Variants in PTCD3 observed in about 807,000 individuals in gnomAD.
PTCD3 encodes the protein pentatricopeptide repeat domain 3, also known as small ribosomal subunit protein mS39.
In PTCD3, 89 loss-of-function variants were observed where a neutral mutation model predicts 101.9. That is an observed-to-expected ratio of 0.87 (90% confidence interval 0.74 to 1.04). PTCD3 has a LOEUF of 1.04. Ranked by LOEUF, PTCD3 falls within the 50% of genes least tolerant of loss-of-function variation. PTCD3 has a pLI of 0.00. For synonymous variants in PTCD3, 296 were observed against 278.5 expected (o/e 1.06, Z -0.63); for missense variants, 870 against 828.2 (o/e 1.05, Z -0.62).
intron 4 of PTCD3, among the ~76,000 whole-genome samples, chr2:86,113,091 G>A (rs191356808): frequency 6.6e-6 from 1 of 152,110 alleles, no homozygotes; most frequent in Non-Finnish European, 1.5e-5. Flanking sequence ...TAAATTGGGG[G>A]TTAATTATAG....
chr2:86,117,094 G>A lies in PTCD3; in HGVS notation c.349G>A (p.Ala117Thr). The A allele has an allele frequency of 2.0e-6, 3 of 1,491,682 alleles. No individual in the cohort carries two copies. In the South Asian group the frequency reaches 3.4e-5, roughly 17 times the overall value. The allele number at this position is 1,491,682 out of a possible 1,614,324, so 92.4% of individuals were successfully genotyped here. ...LLAKKSGENV[A>T]KFIINSYPKY... ...GGCAAAGAAATCCGGGGAGAATGTG[G>A]CCAAGTTTATTATTAATTCATACCC... is the stretch of plus-strand genomic sequence containing the variant. Residue 117 changes from alanine (A) to threonine (T), a missense_variant, in exon 6 of 24, where the codon GCC becomes ACC. Physicochemically the swap from Ala to Thr is moderately conservative, Grantham distance 58. Coordinates refer to ENST00000254630, the MANE Select transcript of PTCD3 (RefSeq NM_017952.6).
intron 8 of PTCD3, among the ~76,000 whole-genome samples, chr2:86,122,218 T>G (rs939305530): frequency 4.6e-5 from 7 of 152,050 alleles, no homozygotes; most frequent in African/African-American, 1.7e-4. Context: ...CACATTAGAG[T>G]AGATGTGTTT....
rs1393001641 is a variant in PTCD3, at chr2:86,125,468, A to G, written c.818A>G (p.Glu273Gly). ...IRGMVKHRAY[E>G]QALNLYTELL... ...TTCCTTTTCCAGCACCGAGCTTATG[A>G]GCAGGCATTAAACTTGTACACTGAG... is the stretch of plus-strand genomic sequence containing the variant. The change falls in exon 11 of 24, where the codon GAG (glutamate) becomes GGG (glycine). Residue 273 changes from glutamate (E) to glycine (G), a missense_variant. By Grantham distance (98) the Glu-to-Gly change is moderately conservative. Coordinates refer to ENST00000254630, the MANE Select transcript of PTCD3 (RefSeq NM_017952.6). 6.2e-7 allele frequency: 1 copy of G among 1,613,262 alleles called. No homozygotes were observed.
intron 6 of PTCD3, 44 bp from the exon 7 acceptor site, chr2:86,118,877 A>T (rs1674227798): frequency 6.3e-7 from 1 of 1,585,214 alleles, no homozygotes; most frequent in African/African-American, 1.4e-5. Context: ...TCCTTCCCTC[A>T]CCTTTACCTG....
At chr2:86,126,626 G>A (rs1674395192) in intron 12 of PTCD3, among the ~76,000 whole-genome samples, 1 of 151,972 alleles carries the variant, frequency 6.6e-6, no homozygotes, top group Non-Finnish European at 1.5e-5. Flanking sequence ...CCTTAGGTCA[G>A]GAGTTTGTGA....
At position 86,131,068 on chromosome 2, in the gene PTCD3, T is replaced by C; in HGVS notation, c.1238-10T>C. 6.2e-7 allele frequency: 1 copy of C among 1,603,482 alleles called. No homozygotes were observed. Among genetic ancestry groups the C allele is most frequent in the Non-Finnish European group, 8.5e-7 (1 of 1,175,546 alleles). ...TTGTAACCAAAGCTCTTGTGAACTT[T>C]GATTTTCAGATAAGTTTTTTCAGTC... On this transcript the variant is annotated splice_polypyrimidine_tract_variant and intron_variant, in intron 15 of 23. Transcript: ENST00000254630.
rs1050052609 is a variant in PTCD3 at position 86,140,082 on chromosome 2, A to G, written c.*2523A>G. On this transcript the variant is annotated 3_prime_UTR_variant, in exon 24 of 24. Coordinates refer to ENST00000254630, the MANE Select transcript of PTCD3 (RefSeq NM_017952.6). ...TCTTAGTAAATGCTTAATGAATGCC[A>G]CCAACTCTGCAAAGTATTCATTGAT... 12 of 152,232 alleles carry G rather than the reference A, an allele frequency of 7.9e-5. No homozygotes were observed. The highest frequency in any genetic ancestry group is 1.8e-4 in the Non-Finnish European group (12 of 68,048). 9.4% of individuals were successfully genotyped at this position (152,232 alleles called of 1,614,324 possible). A position where few individuals can be genotyped will look rare whatever the true frequency, so the allele number is the denominator to read the frequency against.
At position 86,136,518 on chromosome 2, in the gene PTCD3, C is replaced by T. The variant is rs1674587159; in HGVS notation, c.1779-3C>T. The T allele has an allele frequency of 6.2e-7, 1 of 1,608,680 alleles. No individual in the cohort carries two copies. Among genetic ancestry groups the T allele is most frequent in the African/African-American group, 1.3e-5 (1 of 74,876 alleles). ...TTCATAATCTTTTTCCTTTCTTGAG[C>T]AGGAAAATGTTGGGGCTTTTCAGGA... On this transcript the variant is annotated splice_polypyrimidine_tract_variant and splice_region_variant and intron_variant, in intron 21 of 23. Transcript: ENST00000254630.
In PTCD3 at chr2:86,127,293, G is replaced by T. The variant is rs1270983692; in HGVS notation, c.1084G>T (p.Ala362Ser). 3.1e-6 allele frequency: 5 copies of T among 1,614,044 alleles called. No homozygotes were observed. In the South Asian group the frequency reaches 5.5e-5, roughly 18 times the overall value. The change falls in exon 13 of 24, where the codon GCC becomes TCC. Residue 362 changes from alanine (A) to serine (S), a missense_variant. Ala to Ser is a moderately conservative substitution (Grantham distance 99, BLOSUM62 1). Transcript: ENST00000254630. ...CTTACAGGTTTTACGTGAAATGAAA[G>T]CCATTGGAATAGGTGAGGATGCGCC... ...PALQVLREMK[A>S]IGIEPSLATY...
intron 5 of PTCD3, 121 bp downstream of exon 5, chr2:86,116,719 A>G (rs1262225841): frequency 1.2e-5 from 9 of 738,622 alleles, no homozygotes; most frequent in East Asian, 2.6e-5. Context: ...TTGATAGACT[A>G]TGTGAATCCT....
intron 16 of PTCD3, 91 bp downstream of exon 16, chr2:86,131,197 C>CT: frequency 1.0e-6 from 1 of 967,666 alleles, no homozygotes; most frequent in Non-Finnish European, 1.5e-6. Context: ...CTTTCTAACT[C>CT]TTCTGTTCAT....
intron 4 of PTCD3, among the ~76,000 whole-genome samples, chr2:86,114,379 C>T (rs1213187355): frequency 1.3e-5 from 2 of 152,100 alleles, no homozygotes; most frequent in African/African-American, 2.4e-5. Context: ...GCTCTGCCTC[C>T]TGGGCTCACG....
intron 1 of PTCD3, among the ~76,000 whole-genome samples, chr2:86,107,913 A>G (rs1393032785): frequency 8.5e-5 from 13 of 152,192 alleles, no homozygotes; most frequent in Admixed American, 7.9e-4. Context: ...TTCAAGTGCT[A>G]TTAAAAACTT....
In PTCD3 at chr2:86,134,946, AGCT is replaced by A. The variant is rs1674557303; in HGVS notation, c.1738_1740del (p.Ala580del). The A allele has an allele frequency of 5.0e-6, 8 of 1,614,178 alleles. No homozygotes were observed. The highest frequency in any genetic ancestry group is 5.9e-6 in the Non-Finnish European group (7 of 1,180,012). On this transcript the variant is annotated inframe_deletion, in exon 21 of 24. Coordinates refer to ENST00000254630, the MANE Select transcript of PTCD3 (RefSeq NM_017952.6). ...GGCCAGCCACCTCTCTCAACTGTAT[AGCT>A]ATCCTCTTTTTAAGGGCTGGGAGAA...
In PTCD3 at chr2:86,119,049, C is replaced by CT; in HGVS notation, c.538+6dup. The CT allele has an allele frequency of 1.9e-6, 3 of 1,613,172 alleles. No homozygotes were observed. Among genetic ancestry groups the CT allele is most frequent in the Non-Finnish European group, 2.5e-6 (3 of 1,179,820 alleles). ...TTGATCAGCTTTTGCAAGCAGGTGA[C>CT]TGAGTTCGATTAAAGCCCCTCTAAT... On this transcript the variant is annotated splice_donor_region_variant and intron_variant, in intron 7 of 23. Transcript: ENST00000254630.
At chr2:86,110,180 A>G (rs1172905750) in intron 3 of PTCD3, among the ~76,000 whole-genome samples, 2 of 152,246 alleles carry the variant, frequency 1.3e-5, no homozygotes, top group African/African-American at 4.8e-5. Flanking sequence ...TAAGACTTAA[A>G]TAGGGCAATA....
chr2:86,125,327 G>C (rs1674364162), intron 10 of PTCD3, 128 bp from the exon 11 acceptor site: 1 of 1,137,530 alleles, frequency 8.8e-7, no homozygotes, highest in Non-Finnish European at 1.3e-6. Flanking sequence ...CTGCACTAGA[G>C]TATGAGCTTC....
intron 14 of PTCD3, 101 bp downstream of exon 14, chr2:86,128,092 T>A: frequency 9.9e-7 from 1 of 1,014,288 alleles, no homozygotes; most frequent in Non-Finnish European, 1.5e-6. Context: ...GCATATGAAT[T>A]AAGAAGAGAG....
chr2:86,122,079 T>A (rs918970693), intron 8 of PTCD3, among the ~76,000 whole-genome samples: 17 of 152,184 alleles, frequency 1.1e-4, no homozygotes, highest in African/African-American at 3.9e-4. Flanking sequence ...ATCCTTTGGA[T>A]CAGTCAAATA....
Sources: allele counts gnomAD v4.1 joint callset (sites outside exome capture counted in the v4.1 genomes callset), GRCh38; gene constraint gnomAD v4.1.1; transcripts MANE v1.5; gene names NCBI Gene and HGNC (gene_info 2026-07-23, HGNC 2026-07-21).